GABRP: variants seen among roughly 807,000 people sequenced by gnomAD.
GABRP encodes the protein gamma-aminobutyric acid type A receptor subunit pi.
GABRP carries 52 observed loss-of-function variants against 47.8 expected under a neutral mutation model. The observed-to-expected ratio is 1.09, with a 90% CI of 0.87 to 1.37. GABRP has a LOEUF of 1.37. GABRP is among the 40% of genes most tolerant of loss of function. The pLI is 0.00. For missense variants in GABRP, 525 were observed against 542.8 expected (o/e 0.97, Z 0.33); for synonymous variants, 221 against 205.8 (o/e 1.07, Z -0.63).
chr5:170,802,990 C>T (rs540611714), intron 6 of GABRP, among the ~76,000 whole-genome samples: 2 of 152,186 alleles, frequency 1.3e-5, no homozygotes, highest in African/African-American at 4.8e-5. Flanking sequence ...GACAGAGAGA[C>T]CATAATGTAA....
At chr5:170,801,257 CCAGTGGCTTGTTT>C (rs1765582449) in intron 6 of GABRP, among the ~76,000 whole-genome samples, 1 of 152,156 alleles carries the variant, frequency 6.6e-6, no homozygotes, top group Admixed American at 6.5e-5. Flanking sequence ...GGAGTTTGTT[CCAGTGGCTTGTTT>C]GTGATCTGAG....
chr5:170,809,477 C>T (rs1295166262), intron 8 of GABRP, 91 bp from the exon 9 acceptor site: 3 of 1,291,344 alleles, frequency 2.3e-6, no homozygotes, highest in African/African-American at 1.5e-5. Context: ...TTGCCCTCAC[C>T]CTGCCAATTC....
intron 9 of GABRP, among the ~76,000 whole-genome samples, chr5:170,811,538 CCCA>C (rs1322124475): frequency 6.6e-6 from 1 of 152,122 alleles, no homozygotes; most frequent in East Asian, 1.9e-4. Flanking sequence ...ATTTAATCTT[CCCA>C]TCAGTCTCAA....
At chr5:170,783,091 G>A (rs1175022088), upstream of GABRP, among the ~76,000 whole-genome samples, 3 of 152,156 alleles carry the variant, frequency 2.0e-5, no homozygotes, top group African/African-American at 7.2e-5. Flanking sequence ...GTGAGAGCAG[G>A]ATGGGGGAAG....
intron 1 of GABRP, among the ~76,000 whole-genome samples, chr5:170,787,618 G>C (rs374199511): frequency 2.8e-4 from 42 of 152,310 alleles, no homozygotes; most frequent in African/African-American, 7.7e-4. Flanking sequence ...AGAGTACCGG[G>C]GGGGAGGCAG....
In GABRP at chr5:170,805,815, G is replaced by T. The variant is rs772816775; in HGVS notation, c.641G>T (p.Arg214Leu). Residue 214 changes from arginine (R) to leucine (L), a missense_variant, in exon 7 of 10, where the codon CGG (arginine) becomes CTG (leucine). Transcript: ENST00000265294. ...HLRLAQYTIE[R>L]YFTLVTRSQQ... is the part of the protein sequence containing the mutation. ...CGGCTTGCTCAGTACACCATAGAGC[G>T]GTATTTCACCTTAGTCACCAGATCG... 6.2e-7 allele frequency: 1 copy of T among 1,613,958 alleles called. No individual in the cohort carries two copies. The highest frequency in any genetic ancestry group is 8.5e-7 in the Non-Finnish European group (1 of 1,179,978).
chr5:170,794,331 A>T, intron 4 of GABRP, 33 bp downstream of exon 4: 1 of 1,330,460 alleles, frequency 7.5e-7, no homozygotes, highest in South Asian at 1.3e-5. Context: ...CTACCCAAGT[A>T]GTCCCTCTCT....
chr5:170,793,162 G>A (rs909595981), intron 3 of GABRP, among the ~76,000 whole-genome samples: 3 of 152,174 alleles, frequency 2.0e-5, no homozygotes, highest in Admixed American at 6.5e-5. Flanking sequence ...AATGTCACAC[G>A]TCTAATCTCA....
Position 170,794,316 on chromosome 5 carries a change from G to A in GABRP, c.240+18G>A. 6.6e-7 allele frequency: 1 copy of A among 1,517,770 alleles called. No homozygotes were observed. Among genetic ancestry groups the A allele is most frequent in the Non-Finnish European group, 9.0e-7 (1 of 1,113,124 alleles). The allele number at this position is 1,517,770 out of a possible 1,614,324, so 94.0% of individuals were successfully genotyped here. ...GTAACATGGTAAGCGCTGTTCCTTTGTACTCTACCCAAGTAGTCCCTCTCT... is the reference window on the plus strand; with the variant it reads ...GTAACATGGTAAGCGCTGTTCCTTTATACTCTACCCAAGTAGTCCCTCTCT... On this transcript the variant is annotated intron_variant, in intron 4 of 9. Transcript: ENST00000265294.
intron 9 of GABRP, 46 bp downstream of exon 9, chr5:170,809,801 G>C (rs551751092): frequency 1.3e-6 from 2 of 1,537,654 alleles, no homozygotes; most frequent in African/African-American, 2.7e-5. Context: ...CTGGTGCCGT[G>C]TGCTGATCTG....
Position 170,809,694 on chromosome 5 carries a change from C to T in GABRP, c.959C>T (p.Ala320Val), listed in dbSNP as rs1325904512. The change falls in exon 9 of 10, where the codon GCC becomes GTC. Residue 320 changes from alanine (A) to valine (V), a missense_variant. Ala to Val is a moderately conservative substitution (Grantham distance 64, BLOSUM62 0). Coordinates refer to ENST00000265294, the MANE Select transcript of GABRP (RefSeq NM_014211.3). ...LGICFSFVFG[A>V]LLEYAVAHYS... ...ATCTGCTTTAGCTTTGTGTTTGGGG[C>T]CTTGCTAGAATATGCAGTTGCTCAC... 3.1e-6 allele frequency: 5 copies of T among 1,612,794 alleles called. No individual in the cohort carries two copies. The highest frequency in any genetic ancestry group is 4.2e-6 in the Non-Finnish European group (5 of 1,179,458).
At chr5:170,797,690 C>A in intron 6 of GABRP, 142 bp downstream of exon 6, 1 of 629,022 alleles carries the variant, frequency 1.6e-6, no homozygotes, top group Non-Finnish European at 2.9e-6. Context: ...GACTGTACTT[C>A]CAGACAGATT....
chr5:170,796,958 GC>G (rs1451542979), intron 5 of GABRP, among the ~76,000 whole-genome samples: 1 of 152,154 alleles, frequency 6.6e-6, no homozygotes, highest in African/African-American at 2.4e-5. Context: ...AGTGCCTGGG[GC>G]CCCCACTGCC....
intron 1 of GABRP, 67 bp from the exon 2 acceptor site, chr5:170,788,507 A>C: frequency 9.6e-7 from 1 of 1,044,068 alleles, no homozygotes; most frequent in Non-Finnish European, 1.5e-6. Flanking sequence ...CACCAGAGAG[A>C]GAGGCTGGCC....
At position 170,805,768 on chromosome 5, in the gene GABRP, T is replaced by C. The variant is rs752682296; in HGVS notation, c.594T>C (p.Ser198=). The change falls in exon 7 of 10, where the codon TCT becomes TCC. Residue 198 remains serine, a synonymous_variant. Transcript: ENST00000265294. ...VEFTWLRGND[S]VRGLEHLRLA... Reference sequence around the variant, plus strand: ...TCACCTGGCTGAGAGGGAACGACTCTGTGCGTGGACTGGAACACCTGCGGC... The same window carrying C: ...TCACCTGGCTGAGAGGGAACGACTCCGTGCGTGGACTGGAACACCTGCGGC... 1 of 1,614,226 alleles carries C rather than the reference T, an allele frequency of 6.2e-7. No individual in the cohort carries two copies. The highest frequency in any genetic ancestry group is 1.3e-5 in the African/African-American group (1 of 75,062).
intron 9 of GABRP, chr5:170,810,105 T>C: frequency 1.9e-6 from 1 of 516,348 alleles, no homozygotes. Flanking sequence ...ATATATTTAC[T>C]ATTTAATTCT....
At chr5:170,800,491 T>C (rs781005396) in intron 6 of GABRP, among the ~76,000 whole-genome samples, 1 of 152,310 alleles carries the variant, frequency 6.6e-6, no homozygotes, top group East Asian at 1.9e-4. Flanking sequence ...AGCACTGTGA[T>C]AATAAGAAAA....
At position 170,809,646 on chromosome 5, in the gene GABRP, A is replaced by G. The variant is rs1196071784; in HGVS notation, c.911A>G (p.Lys304Arg). ...CTTCCCAACACCAACTGCTTCATCA[A>G]GGCCATCGATGTGTACCTGGGGATC... ...TSLPNTNCFI[K>R]AIDVYLGICF... The change falls in exon 9 of 10, where the codon AAG becomes AGG. Residue 304 changes from lysine (K) to arginine (R), a missense_variant. Coordinates refer to ENST00000265294, the MANE Select transcript of GABRP (RefSeq NM_014211.3). The G allele has an allele frequency of 6.2e-7, 1 of 1,614,176 alleles. No homozygotes were observed. The highest frequency in any genetic ancestry group is 2.2e-5 in the East Asian group (1 of 44,880).
intron 3 of GABRP, among the ~76,000 whole-genome samples, chr5:170,792,629 A>G: frequency 6.6e-6 from 1 of 152,152 alleles, no homozygotes; most frequent in South Asian, 2.1e-4. Context: ...GCCACTTAGC[A>G]CCAGGTCACT....
Sources: allele counts gnomAD v4.1 joint callset (sites outside exome capture counted in the v4.1 genomes callset), GRCh38; gene constraint gnomAD v4.1.1; transcripts MANE v1.5; gene names NCBI Gene and HGNC (gene_info 2026-07-23, HGNC 2026-07-21).